Variants in MDGA1 observed in about 807,000 individuals in gnomAD.
MDGA1 encodes MAM domain-containing glycosylphosphatidylinositol anchor protein 1.
A neutral mutation model predicts 101.5 loss-of-function variants in MDGA1; 54 were observed. The observed-to-expected ratio is 0.53, with a 90% CI of 0.43 to 0.67. The LOEUF (loss-of-function observed/expected upper bound fraction) is 0.67, where lower values mean the gene tolerates loss of function less well. MDGA1 is among the 30% of genes least tolerant of loss of function. MDGA1 has a pLI of 0.00. For missense variants in MDGA1, 1,083 were observed against 1,323.8 expected (o/e 0.82, Z 2.82); for synonymous variants, 533 against 558.3 (o/e 0.95, Z 0.64).
At chr6:37,665,996 G>A (rs1011218401) in intron 1 of MDGA1, among the ~76,000 whole-genome samples, 1 of 152,084 alleles carries the variant, frequency 6.6e-6, no homozygotes, top group Non-Finnish European at 1.5e-5. Context: ...CTCTGCCAGA[G>A]GCTACACTTC....
At chr6:37,695,510 C>T (rs1230489234) in intron 1 of MDGA1, among the ~76,000 whole-genome samples, 1 of 152,232 alleles carries the variant, frequency 6.6e-6, no homozygotes, top group Non-Finnish European at 1.5e-5. Flanking sequence ...GCCAAGCCAG[C>T]TAGCTGGGCA....
In MDGA1 at chr6:37,650,146, C is replaced by G. The variant is rs1471611987; in HGVS notation, c.1572G>C (p.Val524=). ...CQTARYNGFN[V]RPREAQVQLN... The stretch of plus-strand genomic sequence containing the variant: ...GCTGCACCTGGGCCTCACGGGGGCG[C>G]ACGTTGAAGCCATTATAGCGGGCCG... The change falls in exon 8 of 17, where the codon GTG becomes GTC. Residue 524 remains valine, a synonymous_variant. Transcript: ENST00000434837. The G allele has an allele frequency of 6.2e-7, 1 of 1,606,916 alleles. No individual in the cohort carries two copies. The highest frequency in any genetic ancestry group is 2.2e-5 in the East Asian group (1 of 44,678).
At chr6:37,665,079 C>T (rs35661256) in intron 1 of MDGA1, among the ~76,000 whole-genome samples, 270 of 152,272 alleles carry the variant, frequency 1.8e-3, no homozygotes, top group South Asian at 9.1e-3. Context: ...TGAGCTGTGG[C>T]CCAGGCTAGG....
chr6:37,693,358 C>T (rs1002414283), intron 1 of MDGA1, among the ~76,000 whole-genome samples: 3 of 152,198 alleles, frequency 2.0e-5, no homozygotes, highest in Non-Finnish European at 2.9e-5. Context: ...ATTCTGTAAG[C>T]TGTGTTGCTC....
At chr6:37,637,677 T>TA (rs1305910409) in intron 16 of MDGA1, among the ~76,000 whole-genome samples, 1 of 152,154 alleles carries the variant, frequency 6.6e-6, no homozygotes, top group African/African-American at 2.4e-5. Flanking sequence ...TCACATTCAC[T>TA]AAGACTTGGA....
rs1386929912 is a variant in MDGA1, at chr6:37,693,161, A to G, written c.67+3584T>C. Among the ~76,000 whole-genome samples, 3 of 152,178 alleles carry G rather than the reference A, an allele frequency of 2.0e-5. No homozygotes were observed. In the East Asian group the frequency reaches 5.8e-4, roughly 29 times the overall value. ...GAAGCACGGAGCTTCTCGAGGACAA[A>G]AGAGAACCCCAAGCCTCTGTTAGCC... On this transcript the variant is annotated intron_variant, in intron 1 of 16. Transcript: ENST00000434837.
intron 1 of MDGA1, among the ~76,000 whole-genome samples, chr6:37,695,017 G>C (rs535374620): frequency 6.6e-6 from 1 of 152,142 alleles, no homozygotes; most frequent in South Asian, 2.1e-4. Flanking sequence ...TACTAGACTA[G>C]GAACAGAGGA....
At chr6:37,663,688 G>A (rs1761676279) in intron 2 of MDGA1, among the ~76,000 whole-genome samples, 1 of 152,246 alleles carries the variant, frequency 6.6e-6, no homozygotes, top group South Asian at 2.1e-4. Flanking sequence ...ATCTAAGGAT[G>A]TGTCTGCTCA....
At chr6:37,690,359 G>A (rs1182215561) in intron 1 of MDGA1, among the ~76,000 whole-genome samples, 1 of 152,200 alleles carries the variant, frequency 6.6e-6, no homozygotes, top group Non-Finnish European at 1.5e-5. Flanking sequence ...GAGCAGTTCT[G>A]GGTTCAAGTC....
intron 14 of MDGA1, among the ~76,000 whole-genome samples, chr6:37,641,504 G>A (rs755344178): frequency 6.6e-6 from 1 of 152,150 alleles, no homozygotes; most frequent in Non-Finnish European, 1.5e-5. Context: ...AGCACCCCCA[G>A]GCTAATGCCT....
chr6:37,668,340 T>C (rs1288584284), intron 1 of MDGA1, among the ~76,000 whole-genome samples: 4 of 151,712 alleles, frequency 2.6e-5, no homozygotes, highest in Non-Finnish European at 4.4e-5. Context: ...TTTGAAGAAA[T>C]TCAGGCAGTA....
In MDGA1 at chr6:37,638,931, A is replaced by G; in HGVS notation, c.2537-264T>C. ...TTCTTTCCTGCCCTGCTAATCAGCT[A>G]ATCTCCCCAACCCCAAACACACACA... On this transcript the variant is annotated intron_variant, in intron 14 of 16. Coordinates refer to ENST00000434837, the MANE Select transcript of MDGA1 (RefSeq NM_153487.4). The surrounding 1 kb of genome is among the most constrained non-coding windows in gnomAD (Gnocchi z 4.8). 2.4e-6 allele frequency: 1 copy of G among 411,688 alleles called. No individual in the cohort carries two copies. The highest frequency in any genetic ancestry group is 4.6e-6 in the Non-Finnish European group (1 of 219,042). The allele number at this position is 411,688 out of a possible 1,614,324, so 25.5% of individuals were successfully genotyped here.
chr6:37,655,705 T>C lies in MDGA1; in HGVS notation c.574A>G (p.Thr192Ala). 1 of 1,608,444 alleles carries C rather than the reference T, an allele frequency of 6.2e-7. No individual in the cohort carries two copies. The highest frequency in any genetic ancestry group is 8.5e-7 in the Non-Finnish European group (1 of 1,177,178). Residue 192 changes from threonine to alanine, a missense_variant, in exon 4 of 17, where the codon ACT becomes GCT. Thr to Ala is a moderately conservative substitution (Grantham distance 58). This residue lies in a region of MDGA1 where 310 missense variants were observed against 355.9 expected (regional missense o/e 0.87). Coordinates refer to ENST00000434837, the MANE Select transcript of MDGA1 (RefSeq NM_153487.4). The surrounding 1 kb of genome is among the most constrained non-coding windows in gnomAD (Gnocchi z 5.1). ...NGVDIYEPLY[T>A]QGETKVLKLK... ...AGCCAGCTGCCCATCCTGACCTGAG[T>C]GTAGAGGGGCTCATAGATGTCAACC...
intron 1 of MDGA1, among the ~76,000 whole-genome samples, chr6:37,681,340 C>T (rs75844376): frequency 6.6e-6 from 1 of 152,236 alleles, no homozygotes; most frequent in African/African-American, 2.4e-5. Context: ...CTCTTCAGGT[C>T]TCCTAGGAAG....
Position 37,643,869 on chromosome 6 carries a change from T to C in MDGA1, c.2476A>G (p.Asn826Asp), listed in dbSNP as rs772329044. The change falls in exon 14 of 17, where the codon AAT (asparagine) becomes GAT (aspartate). Residue 826 changes from asparagine (N) to aspartate (D), a missense_variant. By Grantham distance (23) the Asn-to-Asp change is conservative. Transcript: ENST00000434837. ...DRARLVSPLY[N>D]ASAKFYCVSF... Reference sequence around the variant, plus strand: ...ACACAGTAGAACTTGGCGCTGGCATTGTAGAGGGGACTCACTAACCTTGCA... The same window carrying C: ...ACACAGTAGAACTTGGCGCTGGCATCGTAGAGGGGACTCACTAACCTTGCA... 8 of 1,613,926 alleles carry C rather than the reference T, an allele frequency of 5.0e-6. No individual in the cohort carries two copies. Among genetic ancestry groups the C allele is most frequent in the Non-Finnish European group, 6.8e-6 (8 of 1,179,866 alleles).
chr6:37,683,066 T>A (rs757056478), intron 1 of MDGA1, among the ~76,000 whole-genome samples: 1 of 152,176 alleles, frequency 6.6e-6, no homozygotes, highest in Non-Finnish European at 1.5e-5. Context: ...CCCACCTCTA[T>A]GTTGGTTTTA....
chr6:37,638,339 G>T lies in MDGA1; in HGVS notation c.2668-26C>A, dbSNP rs572047108. On this transcript the variant is annotated intron_variant, in intron 15 of 16. Coordinates refer to ENST00000434837, the MANE Select transcript of MDGA1 (RefSeq NM_153487.4). The surrounding 1 kb of genome is among the most constrained non-coding windows in gnomAD (Gnocchi z 4.8). ...CTGGGGTGGGGTCAGAAAGCAAGGA[G>T]CAAGGGTTGAGGAGGTTCTGCTGGG... 1.9e-6 allele frequency: 3 copies of T among 1,580,278 alleles called. No homozygotes were observed. Among genetic ancestry groups the T allele is most frequent in the African/African-American group, 1.3e-5 (1 of 74,466 alleles).
Position 37,652,187 on chromosome 6 carries a change from C to A in MDGA1, c.1136G>T (p.Arg379Leu). Residue 379 changes from arginine (R) to leucine (L), a missense_variant, in exon 7 of 17, where the codon CGC becomes CTC. Physicochemically the swap from Arg to Leu is moderately radical, Grantham distance 102 (BLOSUM62 -2). Transcript: ENST00000434837. This position sits in a 1 kb window ranked among gnomAD's most constrained non-coding sequence, Gnocchi z 4.3. Reference sequence around the variant, plus strand: ...GGTCACCAGCAGCCGCTTGGACATGCGTGCCGGCTTGCCATTCTTGAACCA... The same window carrying A: ...GGTCACCAGCAGCCGCTTGGACATGAGTGCCGGCTTGCCATTCTTGAACCA... ...YQWFKNGKPA[R>L]MSKRLLVTRN... is the part of the protein sequence containing the mutation. 1.2e-6 allele frequency: 2 copies of A among 1,614,016 alleles called. No homozygotes were observed. Among genetic ancestry groups the A allele is most frequent in the Non-Finnish European group, 1.7e-6 (2 of 1,179,884 alleles).
chr6:37,655,953 T>C lies in MDGA1; in HGVS notation c.383-57A>G. ...CTGGGTGACCCCAAGGTTGGGGGGCTCAGGCTCCTGGCAGCCCTTAGGAAG... is the reference window on the plus strand; with the variant it reads ...CTGGGTGACCCCAAGGTTGGGGGGCCCAGGCTCCTGGCAGCCCTTAGGAAG... On this transcript the variant is annotated intron_variant, in intron 3 of 16. Transcript: ENST00000434837. The surrounding 1 kb of genome is among the most constrained non-coding windows in gnomAD (Gnocchi z 5.1). 1 of 1,467,608 alleles carries C rather than the reference T, an allele frequency of 6.8e-7. No homozygotes were observed. The highest frequency in any genetic ancestry group is 9.2e-7 in the Non-Finnish European group (1 of 1,089,142). The allele number at this position is 1,467,608 out of a possible 1,614,324, so 90.9% of individuals were successfully genotyped here. A position where few individuals can be genotyped will look rare whatever the true frequency, so the allele number is the denominator to read the frequency against.
Sources: allele counts gnomAD v4.1 joint callset (sites outside exome capture counted in the v4.1 genomes callset), GRCh38; gene constraint gnomAD v4.1.1; regional missense constraint gnomAD v4.1.1; non-coding constraint Gnocchi (gnomAD v3.1); transcripts MANE v1.5; gene names NCBI Gene and HGNC (gene_info 2026-07-23, HGNC 2026-07-21).